KAT2A: variants seen among roughly 807,000 people sequenced by gnomAD.
The protein encoded by KAT2A is histone acetyltransferase KAT2A.
A neutral mutation model predicts 95.2 loss-of-function variants in KAT2A; 42 were observed. That is an observed-to-expected ratio of 0.44 (90% CI 0.34 to 0.57). KAT2A has a LOEUF of 0.57. Among genes scored for constraint, KAT2A ranks in the 20% least tolerant of loss-of-function variants. The pLI, the probability that KAT2A is intolerant of heterozygous loss-of-function variation, is 0.01. For synonymous variants in KAT2A, 449 were observed against 448.2 expected, an observed-to-expected ratio of 1.00 and a Z score of -0.02; for missense variants, 784 against 1,126.3, an observed-to-expected ratio of 0.70 and a Z score of 4.35.
At chr17:42,118,938 G>C in intron 6 of KAT2A, 4 of 929,140 alleles carry the variant, frequency 4.3e-6, no homozygotes, top group Non-Finnish European at 5.6e-6. Flanking sequence ...CTGGTTTCTT[G>C]GAGAGTTGTG....
At chr17:42,120,593 C>T in intron 2 of KAT2A, 113 bp downstream of exon 2, 1 of 1,438,026 alleles carries the variant, frequency 7.0e-7, no homozygotes, top group Non-Finnish European at 9.6e-7. Flanking sequence ...CAACCCAATC[C>T]CTCCTTCGAG....
In KAT2A at chr17:42,119,682, G is replaced by A; in HGVS notation, c.736C>T (p.Leu246=). The A allele has an allele frequency of 1.2e-6, 2 of 1,612,622 alleles. No homozygotes were observed. The change falls in exon 5 of 18, where the codon CTG becomes TTG. Residue 246 remains leucine, a synonymous_variant. Coordinates refer to ENST00000225916, the MANE Select transcript of KAT2A (RefSeq NM_021078.3). The surrounding 1 kb of genome is among the most constrained non-coding windows in gnomAD (Gnocchi z 5.3). ...LNFVQYKFSH[L]APRERQTMFE... ...ATCGTCTGCCGCTCCCGGGGAGCCA[G>A]GTGACTAAACTTGTACTGCACAAAG...
At position 42,120,027 on chromosome 17, in the gene KAT2A, C is replaced by G; in HGVS notation, c.699+3G>C. 6.2e-7 allele frequency: 1 copy of G among 1,612,310 alleles called. No homozygotes were observed. Reference sequence around the variant, plus strand: ...TCCGCTATCTCCAATTCCCCTATCTCACCTGCTCAATATTAGGTTTCTCAA... The same window carrying G: ...TCCGCTATCTCCAATTCCCCTATCTGACCTGCTCAATATTAGGTTTCTCAA... On this transcript the variant is annotated splice_donor_region_variant and intron_variant, in intron 4 of 17. Coordinates refer to ENST00000225916, the MANE Select transcript of KAT2A (RefSeq NM_021078.3).
rs1187885973 is a variant in KAT2A, at chr17:42,117,543, C to T, written c.1482G>A (p.Glu494=). Residue 494 remains glutamate, a synonymous_variant, in exon 10 of 18, where the codon GAG becomes GAA. Transcript: ENST00000225916. The surrounding 1 kb of genome is among the most constrained non-coding windows in gnomAD (Gnocchi z 8.9). ...AARDETARLE[E]RRGIIEFHVI... is the part of the protein sequence containing the mutation. Reference sequence around the variant, plus strand: ...CATGGAACTCGATGATGCCGCGGCGCTCCTCCAGGCGGGCTGTCTCATCCC... The same window carrying T: ...CATGGAACTCGATGATGCCGCGGCGTTCCTCCAGGCGGGCTGTCTCATCCC... 1 of 1,613,426 alleles carries T rather than the reference C, an allele frequency of 6.2e-7. No homozygotes were observed. Among genetic ancestry groups the T allele is most frequent in the Non-Finnish European group, 8.5e-7 (1 of 1,180,032 alleles).
chr17:42,120,185 C>A (rs534652331), intron 3 of KAT2A, 40 bp downstream of exon 3: 1 of 1,613,914 alleles, frequency 6.2e-7, no homozygotes, highest in Admixed American at 1.7e-5. Context: ...CCTCAAGGCC[C>A]CACCTCCTTC....
Position 42,118,338 on chromosome 17 carries a change from G to C in KAT2A, c.1139C>G (p.Thr380Ser). 2 of 1,613,974 alleles carry C rather than the reference G, an allele frequency of 1.2e-6. No individual in the cohort carries two copies. Residue 380 changes from threonine to serine, a missense_variant, in exon 7 of 18, where the codon ACC becomes AGC. By Grantham distance (58) the Thr-to-Ser change is moderately conservative. Transcript: ENST00000225916. ...ANSPIWESGF[T>S]MPPSEGTQLV... ...CTGTGTCCCCTCTGAGGGTGGCATG[G>C]TGAAGCCTGACTCCCAGATTGGAGA... is the stretch of plus-strand genomic sequence containing the variant.
chr17:42,116,147 A>G (rs2054255362), intron 11 of KAT2A, among the ~76,000 whole-genome samples: 1 of 152,238 alleles, frequency 6.6e-6, no homozygotes, highest in South Asian at 2.1e-4. Context: ...CAGCTACGTT[A>G]GGAAATGTGT....
At position 42,121,127 on chromosome 17, in the gene KAT2A, T is replaced by C; in HGVS notation, c.178A>G (p.Thr60Ala). 6.7e-7 allele frequency: 1 copy of C among 1,498,148 alleles called. No homozygotes were observed. 92.8% of individuals were successfully genotyped at this position (1,498,148 alleles called of 1,614,324 possible). Residue 60 changes from threonine to alanine, a missense_variant, in exon 1 of 18, where the codon ACT (threonine) becomes GCT (alanine). Physicochemically the swap from Thr to Ala is moderately conservative, Grantham distance 58. Transcript: ENST00000225916. Reference protein sequence around the residue: ...PAAAPAGSTGTGGPGVGSGGA... With the variant: ...PAAAPAGSTGAGGPGVGSGGA... ...CCACTTCCTACCCCGGGCCCCCCAG[T>C]CCCTGTGCTGCCGGCTGGGGCTGCA...
intron 2 of KAT2A, 89 bp from the exon 3 acceptor site, chr17:42,120,459 C>T: frequency 7.1e-7 from 1 of 1,413,650 alleles, no homozygotes; most frequent in Non-Finnish European, 9.9e-7. Flanking sequence ...AAGATACACA[C>T]TCTGTTCCTC....
Position 42,119,035 on chromosome 17 carries a change from G to A in KAT2A, c.1073+210C>T. 2 of 1,390,298 alleles carry A rather than the reference G, an allele frequency of 1.4e-6. No homozygotes were observed. Among genetic ancestry groups the A allele is most frequent in the Non-Finnish European group, 9.3e-7 (1 of 1,073,906 alleles). 86.1% of individuals were successfully genotyped at this position (1,390,298 alleles called of 1,614,324 possible). A position where few individuals can be genotyped will look rare whatever the true frequency, so the allele number is the denominator to read the frequency against. On this transcript the variant is annotated intron_variant, in intron 6 of 17. Transcript: ENST00000225916. This position sits in a 1 kb window ranked among gnomAD's most constrained non-coding sequence, Gnocchi z 5.3. The stretch of plus-strand genomic sequence containing the variant: ...GGGCGTAGGGTCGGGTGGGGGCAGC[G>A]TTAGCTTGGGCTATGTACCTGCCAT...
chr17:42,116,476 G>A (rs1555665986), intron 11 of KAT2A, among the ~76,000 whole-genome samples: 7 of 152,212 alleles, frequency 4.6e-5, no homozygotes. Flanking sequence ...CCAGCACTTT[G>A]GGAGGCCGAG....
At chr17:42,116,300 C>T (rs2054257467) in intron 11 of KAT2A, among the ~76,000 whole-genome samples, 2 of 152,186 alleles carry the variant, frequency 1.3e-5, no homozygotes, top group African/African-American at 4.8e-5. Context: ...GCCTCCCACA[C>T]GTCAGGGCCA....
chr17:42,113,962 A>C, intron 17 of KAT2A, 38 bp downstream of exon 17: 1 of 1,491,774 alleles, frequency 6.7e-7, no homozygotes, highest in South Asian at 1.3e-5. Context: ...GTGTGGGGAC[A>C]GAAGAGGAGG....
Position 42,120,771 on chromosome 17 carries a change from C to T in KAT2A, c.398G>A (p.Arg133His), listed in dbSNP as rs1555667119. The change falls in exon 2 of 18, where the codon CGC (arginine) becomes CAC (histidine). Residue 133 changes from arginine to histidine, a missense_variant. Around this residue, in one of 6 missense-constraint regions of KAT2A, gnomAD observed 208 missense variants for 339.7 expected, o/e 0.61. Coordinates refer to ENST00000225916, the MANE Select transcript of KAT2A (RefSeq NM_021078.3). ...GGCAGCTGGCTGCTGCAGATCCATG[C>T]GGGGTGCAGTGGGGGGCTTGGGGTT... The part of the protein sequence containing the change: ...WKNPKPPTAP[R>H]MDLQQPAANL... The T allele has an allele frequency of 6.2e-7, 1 of 1,613,958 alleles. No individual in the cohort carries two copies. Among genetic ancestry groups the T allele is most frequent in the Non-Finnish European group, 8.5e-7 (1 of 1,179,944 alleles).
rs781844088 is a variant in KAT2A at position 42,114,456 on chromosome 17, C to T, written c.2134+34G>A. 1 of 1,612,016 alleles carries T rather than the reference C, an allele frequency of 6.2e-7. No homozygotes were observed. Among genetic ancestry groups the T allele is most frequent in the Non-Finnish European group, 8.5e-7 (1 of 1,178,184 alleles). Reference sequence around the variant, plus strand: ...GCCAGTCCACACCCCAAGCATCGTGCCCCCACTACCCTGCAACTGAGACCC... The same window carrying T: ...GCCAGTCCACACCCCAAGCATCGTGTCCCCACTACCCTGCAACTGAGACCC... On this transcript the variant is annotated intron_variant, in intron 14 of 17. Coordinates refer to ENST00000225916, the MANE Select transcript of KAT2A (RefSeq NM_021078.3). The surrounding 1 kb of genome is among the most constrained non-coding windows in gnomAD (Gnocchi z 6.0).
At position 42,117,719 on chromosome 17, in the gene KAT2A, T is replaced by C; in HGVS notation, c.1387A>G (p.Met463Val). 2 of 1,613,662 alleles carry C rather than the reference T, an allele frequency of 1.2e-6. No homozygotes were observed. Among genetic ancestry groups the C allele is most frequent in the South Asian group, 2.2e-5 (2 of 91,028 alleles). Residue 463 changes from methionine (M) to valine (V), a missense_variant, in exon 9 of 18, where the codon ATG becomes GTG. Physicochemically the swap from Met to Val is conservative, Grantham distance 21. This residue lies in a region of KAT2A where 174 missense variants were observed against 324.9 expected (regional missense o/e 0.54). Transcript: ENST00000225916. This position sits in a 1 kb window ranked among gnomAD's most constrained non-coding sequence, Gnocchi z 8.9. The part of the protein sequence containing the change: ...DIPMELVNEV[M>V]LTITDPAAML... The stretch of plus-strand genomic sequence containing the variant: ...GCAGCAGGGTCAGTGATGGTCAGCA[T>C]GACCTCATTGACCAGCTCCATGGGG...
rs1248107428 is a variant in KAT2A at position 42,119,548 on chromosome 17, G to A, written c.870C>T (p.Val290=). ...CTGGCTGGGCCTACCTGGTGTAATT[G>A]ACCTTGTAGGTAGCCACGTCCTCAG... ...SQAEDVATYK[V]NYTRWLCYCH... is the part of the protein sequence containing the mutation. The change falls in exon 5 of 18, where the codon GTC becomes GTT. Residue 290 remains valine (V), a synonymous_variant. Coordinates refer to ENST00000225916, the MANE Select transcript of KAT2A (RefSeq NM_021078.3). This position sits in a 1 kb window ranked among gnomAD's most constrained non-coding sequence, Gnocchi z 5.3. 1 of 1,595,858 alleles carries A rather than the reference G, an allele frequency of 6.3e-7. No individual in the cohort carries two copies. Among genetic ancestry groups the A allele is most frequent in the African/African-American group, 1.3e-5 (1 of 74,358 alleles).
Position 42,121,313 on chromosome 17 carries a change from C to A in KAT2A, c.-9G>T. 2 of 1,366,240 alleles carry A rather than the reference C, an allele frequency of 1.5e-6. No individual in the cohort carries two copies. The highest frequency in any genetic ancestry group is 1.9e-6 in the Non-Finnish European group (2 of 1,067,368). 84.6% of individuals were successfully genotyped at this position (1,366,240 alleles called of 1,614,324 possible). ...TGGGAAGGTTCCGCCATGGCCTCCC[C>A]CGCAGCGGAGAGCGGCGCCGCGCTC... is the stretch of plus-strand genomic sequence containing the variant. On this transcript the variant is annotated 5_prime_UTR_variant, in exon 1 of 18. Transcript: ENST00000225916.
At chr17:42,116,209 C>A (rs991090277) in intron 11 of KAT2A, among the ~76,000 whole-genome samples, 33 of 152,274 alleles carry the variant, frequency 2.2e-4, no homozygotes, top group African/African-American at 7.7e-4. Flanking sequence ...CCAACACAGG[C>A]CACTGATTCC....
Sources: allele counts gnomAD v4.1 joint callset (sites outside exome capture counted in the v4.1 genomes callset), GRCh38; gene constraint gnomAD v4.1.1; regional missense constraint gnomAD v4.1.1; non-coding constraint Gnocchi (gnomAD v3.1); transcripts MANE v1.5; gene names NCBI Gene and HGNC (gene_info 2026-07-23, HGNC 2026-07-21).